Variants in LPA observed in about 807,000 individuals in gnomAD.
LPA encodes the protein apolipoprotein(a).
Under a neutral mutation model 197.9 loss-of-function variants are expected in LPA, and 199 were observed. That is an observed-to-expected ratio of 1.01 (90% CI 0.90 to 1.13). The LOEUF is 1.13. LPA is among the 50% of genes most tolerant of loss of function. The probability of loss-of-function intolerance (pLI) is 0.00; values close to 1 mark genes in which losing one functional copy is unlikely to be tolerated. For missense variants in LPA, 1,853 were observed against 1,785.8 expected (o/e 1.04, Z -0.68); for synonymous variants, 715 against 639.5 (o/e 1.12, Z -1.78).
rs778077380 is a variant in LPA, at chr6:160,595,435, G to C, written c.3388C>G (p.Gln1130Glu). 77 of 1,613,820 alleles carry C rather than the reference G, an allele frequency of 4.8e-5. No homozygotes were observed. The highest frequency in any genetic ancestry group is 6.5e-5 in the Non-Finnish European group (77 of 1,179,966). ...SVRWEYCNLT[Q>E]CLVTESSVLA... ...ACACTTGATTCTGTCACCAGGCATTGTGTCAGGTTGCAGTACTCCCACCTG... is the reference window on the plus strand; with the variant it reads ...ACACTTGATTCTGTCACCAGGCATTCTGTCAGGTTGCAGTACTCCCACCTG... The change falls in exon 21 of 39, where the codon CAA (glutamine) becomes GAA (glutamate). Residue 1130 changes from glutamine (Q) to glutamate (E), a missense_variant. Around this residue, in one of 3 missense-constraint regions of LPA, gnomAD observed 1,737 missense variants for 1,504.4 expected, o/e 1.15. Coordinates refer to ENST00000316300, the MANE Select transcript of LPA (RefSeq NM_005577.4).
At chr6:160,663,725 C>T (rs1006884174) in intron 1 of LPA, among the ~76,000 whole-genome samples, 1 of 152,202 alleles carries the variant, frequency 6.6e-6, no homozygotes, top group African/African-American at 2.4e-5. Flanking sequence ...AGTCCCACTC[C>T]ATGAACAGGT....
chr6:160,611,447 A>G (rs1227157209), intron 16 of LPA, 115 bp downstream of exon 16: 1 of 1,526,294 alleles, frequency 6.6e-7, no homozygotes. Flanking sequence ...ACATTTTGCT[A>G]CACCATCTGA....
Position 160,654,028 on chromosome 6 carries a change from A to ATATATAT in LPA, c.50-3538_50-3532dup, listed in dbSNP as rs1780072754. On this transcript the variant is annotated intron_variant, in intron 1 of 38. Coordinates refer to ENST00000316300, the MANE Select transcript of LPA (RefSeq NM_005577.4). ...TAATATATATTATATATAATATATAATATATATTATATATAATATATAATA... is the reference window on the plus strand; with the variant it reads ...TAATATATATTATATATAATATATAATATATATTATATATTATATATAATATATAATA... 5.9e-4 allele frequency among the ~76,000 whole-genome samples: 4 copies of ATATATAT among 6,768 alleles called. 1 individual carries two copies. Among genetic ancestry groups the ATATATAT allele is most frequent in the Non-Finnish European group, 8.1e-4 (3 of 3,686 alleles). 4.4% of individuals were successfully genotyped at this position (6,768 alleles called of 152,430 possible).
intron 20 of LPA, among the ~76,000 whole-genome samples, chr6:160,596,934 G>T (rs1158086638): frequency 6.6e-6 from 1 of 152,046 alleles, no homozygotes; most frequent in Non-Finnish European, 1.5e-5. Flanking sequence ...TGTTTTCTTT[G>T]TCCCAAAGAG....
chr6:160,587,986 C>T (rs975627932), intron 24 of LPA, among the ~76,000 whole-genome samples: 1 of 152,056 alleles, frequency 6.6e-6, no homozygotes, highest in Non-Finnish European at 1.5e-5. Flanking sequence ...TTTCTTTTCT[C>T]TTGCTATTCT....
At chr6:160,567,885 G>A (rs1215729036) in intron 28 of LPA, among the ~76,000 whole-genome samples, 1 of 152,152 alleles carries the variant, frequency 6.6e-6, no homozygotes, top group Non-Finnish European at 1.5e-5. Flanking sequence ...AAATAAACTA[G>A]AAAATCTAGA....
intron 1 of LPA, among the ~76,000 whole-genome samples, chr6:160,653,501 TAATGAGTA>T (rs921942752): frequency 1.4e-4 from 1 of 7,118 alleles, no homozygotes; most frequent in African/African-American, 6.6e-3. Flanking sequence ...TAGAACTCAA[TAATGAGTA>T]ATGAGTTCTG....
At position 160,537,960 on chromosome 6, in the gene LPA, G is replaced by T; in HGVS notation, c.5737C>A (p.Pro1913Thr). ...ATTACTTTGTCAGTGATGACGGCAG[G>T]CCTGTAAGGAAAGTATTAGCAGTTA... ...ADIALLKLSRPAVITDKVMPA... is the reference protein window; with the variant it reads ...ADIALLKLSRTAVITDKVMPA... Residue 1913 changes from proline (P) to threonine (T), a missense_variant and splice_region_variant, in exon 37 of 39, where the codon CCT (proline) becomes ACT (threonine). Pro to Thr is a conservative substitution (Grantham distance 38). Coordinates refer to ENST00000316300, the MANE Select transcript of LPA (RefSeq NM_005577.4). The T allele has an allele frequency of 6.2e-7, 1 of 1,613,978 alleles. No homozygotes were observed. Among genetic ancestry groups the T allele is most frequent in the South Asian group, 1.1e-5 (1 of 91,068 alleles).
chr6:160,577,439 C>G, intron 27 of LPA, 144 bp from the exon 28 acceptor site: 1 of 682,956 alleles, frequency 1.5e-6, no homozygotes, highest in Middle Eastern at 2.6e-4. Context: ...TGTGAAAAGA[C>G]CCAGTAGATT....
intron 16 of LPA, 90 bp from the exon 17 acceptor site, chr6:160,606,748 T>A: frequency 6.5e-7 from 1 of 1,535,646 alleles, no homozygotes; most frequent in Non-Finnish European, 9.0e-7. Context: ...AACAAGGTCA[T>A]TACCAGTGCC....
chr6:160,652,754 G>A (rs990497185), intron 1 of LPA, among the ~76,000 whole-genome samples: 2 of 152,098 alleles, frequency 1.3e-5, no homozygotes, highest in African/African-American at 2.4e-5. Flanking sequence ...CTATTACAAA[G>A]AGCAATAGCA....
At position 160,650,431 on chromosome 6, in the gene LPA, G is replaced by A. The variant is rs376418933; in HGVS notation, c.116C>T (p.Thr39Met). 1.2e-4 allele frequency: 191 copies of A among 1,613,806 alleles called. 1 individual carries two copies. The highest frequency in any genetic ancestry group is 2.8e-4 in the Admixed American group (17 of 60,020). The change falls in exon 2 of 39, where the codon ACG becomes ATG. Residue 39 changes from threonine to methionine, a missense_variant. Coordinates refer to ENST00000316300, the MANE Select transcript of LPA (RefSeq NM_005577.4). ...CCTTCCTGTGACAGTGGTGGAGTAC[G>A]TGCCTCGATAACTCTGTCCATCACC... The part of the protein sequence containing the change: ...YHGDGQSYRG[T>M]YSTTVTGRTC...
chr6:160,545,689 C>T (rs1778057756), intron 32 of LPA, among the ~76,000 whole-genome samples, 156 bp from the exon 33 acceptor site: 1 of 152,226 alleles, frequency 6.6e-6, no homozygotes, highest in Middle Eastern at 3.4e-3. Flanking sequence ...AAAGTTATTT[C>T]TTTCTATGCT....
intron 17 of LPA, 94 bp downstream of exon 17, chr6:160,606,383 C>A (rs1354251926): frequency 6.6e-7 from 1 of 1,522,532 alleles, no homozygotes; most frequent in Admixed American, 1.7e-5. Context: ...CTCGAGCATC[C>A]GTTTACCATT....
chr6:160,578,113 G>C lies in LPA; in HGVS notation c.4471+410C>G, dbSNP rs77460862. On this transcript the variant is annotated intron_variant, in intron 27 of 38. Transcript: ENST00000316300. ...TTTCTCTAGGATATCATACTCAAAGGCCATGTTCTTAAGAAACTGCAAACT... is the reference window on the plus strand; with the variant it reads ...TTTCTCTAGGATATCATACTCAAAGCCCATGTTCTTAAGAAACTGCAAACT... 2.2e-3 allele frequency among the ~76,000 whole-genome samples: 330 copies of C among 152,218 alleles called. 1 individual carries two copies. Among genetic ancestry groups the C allele is most frequent in the African/African-American group, 7.5e-3 (310 of 41,524 alleles).
intron 7 of LPA, among the ~76,000 whole-genome samples, chr6:160,634,801 A>G (rs1399171158): frequency 1.3e-4 from 20 of 150,524 alleles, no homozygotes; most frequent in Non-Finnish European, 2.5e-4. Flanking sequence ...ACTGCGACAG[A>G]AAGAATCACA....
intron 4 of LPA, among the ~76,000 whole-genome samples, chr6:160,641,233 T>C (rs3927200): frequency 0.17 from 11,665 of 69,880 alleles, 2,001 homozygotes; most frequent in African/African-American, 0.34. Context: ...CACATGCAAA[T>C]GCATCTGTAT....
intron 26 of LPA, among the ~76,000 whole-genome samples, chr6:160,582,647 T>G (rs1381641203): frequency 6.6e-6 from 1 of 152,140 alleles, no homozygotes; most frequent in Non-Finnish European, 1.5e-5. Context: ...AATTTAATTA[T>G]GATGTGTCCA....
At chr6:160,579,592 T>C (rs1441975153) in intron 26 of LPA, among the ~76,000 whole-genome samples, 1 of 152,158 alleles carries the variant, frequency 6.6e-6, no homozygotes, top group East Asian at 1.9e-4. Flanking sequence ...GCACAGCAGG[T>C]GAAGACCCCA....
Sources: gnomAD v4.1 joint callset for allele counts (sites outside exome capture counted in the v4.1 genomes callset) on GRCh38, gnomAD v4.1.1 for gene constraint, gnomAD v4.1.1 regional missense constraint, MANE v1.5 for transcripts, NCBI Gene and HGNC (gene_info 2026-07-23, HGNC 2026-07-21) for gene names.